TTC33: variants seen among roughly 807,000 people sequenced by gnomAD.
TTC33 encodes the protein tetratricopeptide repeat domain 33.
A neutral mutation model predicts 29.4 loss-of-function variants in TTC33; 24 were observed. The observed-to-expected ratio is 0.82, with a 90% CI of 0.59 to 1.15. TTC33 has a LOEUF of 1.15. TTC33 is among the 50% of genes most tolerant of loss of function. The pLI is 0.00. For missense variants in TTC33, 286 were observed against 310.4 expected (o/e 0.92, Z 0.59); for synonymous variants, 107 against 100.3 (o/e 1.07, Z -0.40).
chr5:40,716,751 G>C (rs551670461), intron 4 of TTC33, among the ~76,000 whole-genome samples: 26 of 152,272 alleles, frequency 1.7e-4, no homozygotes, highest in African/African-American at 6.3e-4. Context: ...ACTCATAATA[G>C]GGCTAAAGAT....
At chr5:40,738,519 AAATAAAATACAATAAAATAC>A (rs1159087002) in intron 2 of TTC33, among the ~76,000 whole-genome samples, 3 of 69,046 alleles carry the variant, frequency 4.3e-5, no homozygotes, top group African/African-American at 1.0e-4. Context: ...AAATACAATA[AAATAAAATACAATAAAATAC>A]AATAAAATAA....
At chr5:40,747,288 C>T (rs544387044) in intron 1 of TTC33, among the ~76,000 whole-genome samples, 2 of 152,242 alleles carry the variant, frequency 1.3e-5, no homozygotes, top group East Asian at 3.9e-4. Flanking sequence ...AAACTCCCGA[C>T]CTCAGGTGAT....
chr5:40,725,784 CTTTTTT>C (rs35070396), intron 4 of TTC33, among the ~76,000 whole-genome samples: 2 of 126,066 alleles, frequency 1.6e-5, no homozygotes, highest in African/African-American at 5.9e-5. Flanking sequence ...TTCTCTTCAG[CTTTTTT>C]TTTTTTTTTT....
chr5:40,744,960 T>C (rs2111929648), intron 2 of TTC33, among the ~76,000 whole-genome samples: 1 of 152,280 alleles, frequency 6.6e-6, no homozygotes, highest in East Asian at 1.9e-4. Flanking sequence ...GACATATACT[T>C]GCCAAAAATA....
intron 2 of TTC33, among the ~76,000 whole-genome samples, chr5:40,739,000 C>CT (rs1308877727): frequency 3.9e-5 from 6 of 152,176 alleles, no homozygotes; most frequent in Admixed American, 2.0e-4. Flanking sequence ...TGTGGCCTGA[C>CT]TTTTCATGTT....
intron 1 of TTC33, among the ~76,000 whole-genome samples, chr5:40,753,451 T>A (rs1205809858): frequency 6.6e-6 from 1 of 151,932 alleles, no homozygotes; most frequent in Non-Finnish European, 1.5e-5. Flanking sequence ...GGAACTGAGA[T>A]TTTTTTTAAA....
intron 4 of TTC33, among the ~76,000 whole-genome samples, chr5:40,723,044 G>A (rs1359856375): frequency 1.3e-5 from 2 of 152,150 alleles, no homozygotes; most frequent in Admixed American, 6.5e-5. Flanking sequence ...ACTGTGTCTG[G>A]GTAGAAAGAA....
At position 40,714,419 on chromosome 5, in the gene TTC33, G is replaced by T. The variant is rs191149705; in HGVS notation, c.*1726C>A. 6.6e-6 allele frequency: 1 copy of T among 152,216 alleles called. No individual in the cohort carries two copies. Among genetic ancestry groups the T allele is most frequent in the East Asian group, 1.9e-4 (1 of 5,240 alleles). 9.4% of individuals were successfully genotyped at this position (152,216 alleles called of 1,614,324 possible). A position where few individuals can be genotyped will look rare whatever the true frequency, so the allele number is the denominator to read the frequency against. On this transcript the variant is annotated 3_prime_UTR_variant, in exon 5 of 5. Transcript: ENST00000337702. Reference sequence around the variant, plus strand: ...GTTCATATAAGAAAGACACTAAGTAGATCAATCTAATTTTTCAAAAGCTAA... The same window carrying T: ...GTTCATATAAGAAAGACACTAAGTATATCAATCTAATTTTTCAAAAGCTAA...
rs144783415 is a variant in TTC33, at chr5:40,748,352, A to G, written c.-1-1333T>C. Among the ~76,000 whole-genome samples the G allele has an allele frequency of 3.1e-3, 469 of 152,206 alleles. 1 individual carries two copies. The highest frequency in any genetic ancestry group is 5.4e-3 in the Non-Finnish European group (365 of 68,024). On this transcript the variant is annotated intron_variant, in intron 1 of 4. Coordinates refer to ENST00000337702, the MANE Select transcript of TTC33 (RefSeq NM_012382.3). ...GCTGGGATTACAGGCATGCGTCACA[A>G]TGCCCTTCTAATTTTATATTTTTAG...
In TTC33 at chr5:40,714,809, A is replaced by C. The variant is rs1434668629; in HGVS notation, c.*1336T>G. On this transcript the variant is annotated 3_prime_UTR_variant, in exon 5 of 5. Transcript: ENST00000337702. ...TAAAAAATGTAGATCATTACTTATAAGCTCCAACAGTAGTAAGATCTTTAA... is the reference window on the plus strand; with the variant it reads ...TAAAAAATGTAGATCATTACTTATACGCTCCAACAGTAGTAAGATCTTTAA... 3 of 152,276 alleles carry C rather than the reference A, an allele frequency of 2.0e-5. No homozygotes were observed. The highest frequency in any genetic ancestry group is 4.4e-5 in the Non-Finnish European group (3 of 67,986). 9.4% of individuals were successfully genotyped at this position (152,276 alleles called of 1,614,324 possible). A position where few individuals can be genotyped will look rare whatever the true frequency, so the allele number is the denominator to read the frequency against.
intron 4 of TTC33, among the ~76,000 whole-genome samples, chr5:40,722,777 G>A (rs1012149785): frequency 7.3e-5 from 11 of 151,236 alleles, no homozygotes; most frequent in South Asian, 2.1e-4. Context: ...CGGAGGTGGC[G>A]GGGCAGCCCC....
intron 2 of TTC33, among the ~76,000 whole-genome samples, chr5:40,736,017 C>A (rs1338566891): frequency 6.6e-6 from 1 of 151,940 alleles, no homozygotes. Context: ...TGTTTGCATG[C>A]CAGCAAGAAG....
chr5:40,722,764 T>G (rs1404095799), intron 4 of TTC33, among the ~76,000 whole-genome samples: 1 of 149,430 alleles, frequency 6.7e-6, no homozygotes, highest in African/African-American at 2.5e-5. Context: ...AGACGCCCCG[T>G]CCCGGAGGTG....
intron 4 of TTC33, among the ~76,000 whole-genome samples, chr5:40,723,512 TAAA>T (rs34823449): frequency 0.36 from 51,809 of 143,656 alleles, 9,750 homozygotes; most frequent in Admixed American, 0.46. Context: ...TAACTCAAAT[TAAA>T]AAAAAAAAAA....
intron 4 of TTC33, among the ~76,000 whole-genome samples, chr5:40,721,553 C>T (rs568268310): frequency 3.9e-5 from 6 of 152,102 alleles, no homozygotes; most frequent in Admixed American, 6.5e-5. Context: ...CGGATATCCG[C>T]GTGCAAAAGA....
intron 4 of TTC33, among the ~76,000 whole-genome samples, 175 bp from the exon 5 acceptor site, chr5:40,716,673 A>C (rs1742009124): frequency 2.6e-5 from 4 of 152,360 alleles, no homozygotes; most frequent in African/African-American, 9.6e-5. Flanking sequence ...TGGGGAAAAA[A>C]ATTATAGAAG....
At chr5:40,720,924 C>T (rs969997891) in intron 4 of TTC33, among the ~76,000 whole-genome samples, 1 of 152,224 alleles carries the variant, frequency 6.6e-6, no homozygotes, top group Admixed American at 6.5e-5. Flanking sequence ...GTACTGGTTT[C>T]TGTCTTGCCT....
At chr5:40,728,596 A>AT in intron 3 of TTC33, 120 bp from the exon 4 acceptor site, 3 of 912,350 alleles carry the variant, frequency 3.3e-6, no homozygotes, top group Middle Eastern at 4.9e-4. Flanking sequence ...CATTTCGGTG[A>AT]TTTTTACCCC....
At chr5:40,730,492 T>C (rs1031825944) in intron 2 of TTC33, 149 bp from the exon 3 acceptor site, 2 of 566,422 alleles carry the variant, frequency 3.5e-6, no homozygotes, top group Admixed American at 6.1e-5. Context: ...ATTAAGTACA[T>C]ATAGTTCATT....
Sources: allele counts gnomAD v4.1 joint callset (sites outside exome capture counted in the v4.1 genomes callset), GRCh38; gene constraint gnomAD v4.1.1; transcripts MANE v1.5; gene names NCBI Gene and HGNC (gene_info 2026-07-23, HGNC 2026-07-21).